Variants in SLC24A2 observed in about 807,000 individuals in gnomAD.
SLC24A2 encodes the protein solute carrier family 24 member 2, also known as sodium/potassium/calcium exchanger 2.
Under a neutral mutation model 62.0 loss-of-function variants are expected in SLC24A2, and 36 were observed. The observed-to-expected ratio is 0.58, with a 90% CI of 0.44 to 0.77. The LOEUF (loss-of-function observed/expected upper bound fraction) is 0.77, where lower values mean the gene tolerates loss of function less well. SLC24A2 is among the 30% of genes least tolerant of loss of function. SLC24A2 has a pLI of 0.00. For synonymous variants in SLC24A2, 358 were observed against 294.0 expected (o/e 1.22, Z -2.23); for missense variants, 846 against 817.9 (o/e 1.03, Z -0.42).
At chr9:20,019,167 CAG>C in the SLC24A2 span, among the ~76,000 whole-genome samples, 1 of 79,120 alleles carries the variant, frequency 1.3e-5, no homozygotes. Flanking sequence ...GAGAGAGAGA[CAG>C]AAAGAAAGAA....
At chr9:19,779,689 A>G (rs1435703328) in intron 2 of SLC24A2, among the ~76,000 whole-genome samples, 1 of 152,254 alleles carries the variant, frequency 6.6e-6, no homozygotes, top group African/African-American at 2.4e-5. Context: ...AAATCTAAAA[A>G]TATTGATGGT....
At chr9:19,844,118 C>T in the SLC24A2 span, among the ~76,000 whole-genome samples, 1 of 152,144 alleles carries the variant, frequency 6.6e-6, no homozygotes, top group East Asian at 1.9e-4. Context: ...TCCACAGGGG[C>T]TTAATTAATT....
chr9:19,933,534 G>T, the SLC24A2 span, among the ~76,000 whole-genome samples: 1 of 152,052 alleles, frequency 6.6e-6, no homozygotes, highest in Non-Finnish European at 1.5e-5. Context: ...AACGCGCCGG[G>T]GGTGGGCTAT....
At chr9:20,263,869 C>CCT in the SLC24A2 span, among the ~76,000 whole-genome samples, 1 of 116,968 alleles carries the variant, frequency 8.5e-6, no homozygotes, top group South Asian at 4.4e-4. Flanking sequence ...CCGCCCCCCC[C>CCT]CCCCCATTAA....
chr9:20,140,635 C>T, the SLC24A2 span, among the ~76,000 whole-genome samples: 9 of 152,154 alleles, frequency 5.9e-5, no homozygotes, highest in Non-Finnish European at 1.2e-4. Context: ...TCCTGTTCTG[C>T]ACCCCCTGAA....
chr9:20,021,043 A>G, the SLC24A2 span, among the ~76,000 whole-genome samples: 2 of 152,220 alleles, frequency 1.3e-5, no homozygotes, highest in African/African-American at 4.8e-5. Context: ...ATACATAGAC[A>G]TAATATATAA....
intron 2 of SLC24A2, among the ~76,000 whole-genome samples, chr9:19,710,506 C>T (rs1181071391): frequency 6.6e-6 from 1 of 152,018 alleles, no homozygotes; most frequent in African/African-American, 2.4e-5. Context: ...CTGAGAAGTT[C>T]CAGACAGTGG....
chr9:20,227,759 C>A, the SLC24A2 span, among the ~76,000 whole-genome samples: 1 of 152,028 alleles, frequency 6.6e-6, no homozygotes, highest in Non-Finnish European at 1.5e-5. Context: ...AATGTTATTG[C>A]CTAAAGTTTT....
At chr9:20,250,078 C>T in the SLC24A2 span, among the ~76,000 whole-genome samples, 1 of 152,128 alleles carries the variant, frequency 6.6e-6, no homozygotes, top group Non-Finnish European at 1.5e-5. Context: ...TACATGAGAA[C>T]AACAATAGCA....
At chr9:19,909,973 C>T in the SLC24A2 span, among the ~76,000 whole-genome samples, 1 of 152,076 alleles carries the variant, frequency 6.6e-6, no homozygotes, top group Non-Finnish European at 1.5e-5. Context: ...TCCACTGGCC[C>T]TTCCATATTC....
the SLC24A2 span, among the ~76,000 whole-genome samples, chr9:19,813,592 T>C: frequency 2.0e-5 from 3 of 152,068 alleles, no homozygotes; most frequent in Non-Finnish European, 4.4e-5. Context: ...GTGCTGGGAT[T>C]ACAGGTATGA....
the SLC24A2 span, among the ~76,000 whole-genome samples, chr9:20,124,899 A>T: frequency 6.6e-6 from 1 of 152,224 alleles, no homozygotes; most frequent in Non-Finnish European, 1.5e-5. Context: ...TAAGACCATC[A>T]AATGCATAAA....
chr9:19,916,828 C>T, the SLC24A2 span, among the ~76,000 whole-genome samples: 142,933 of 151,898 alleles, frequency 0.94, 67,867 homozygotes, highest in East Asian at 1. Flanking sequence ...GCATGTTTAA[C>T]ATCCTTCTTA....
chr9:19,727,522 G>A (rs1587228011), intron 2 of SLC24A2, among the ~76,000 whole-genome samples: 2 of 152,144 alleles, frequency 1.3e-5, no homozygotes, highest in East Asian at 3.9e-4. Context: ...CAAGCAGGCA[G>A]GGATTTTGGC....
chr9:20,029,024 C>A, the SLC24A2 span, among the ~76,000 whole-genome samples: 1 of 152,220 alleles, frequency 6.6e-6, no homozygotes, highest in East Asian at 1.9e-4. Flanking sequence ...TTTGGGTGAA[C>A]CTCTCAAGCC....
chr9:19,617,554 G>A (rs558382457), intron 4 of SLC24A2, among the ~76,000 whole-genome samples: 7 of 152,188 alleles, frequency 4.6e-5, no homozygotes, highest in Non-Finnish European at 1.0e-4. Flanking sequence ...CAACGTAAAT[G>A]ATGAAGGTGC....
chr9:20,020,048 A>G, the SLC24A2 span, among the ~76,000 whole-genome samples: 5 of 152,142 alleles, frequency 3.3e-5, no homozygotes, highest in African/African-American at 4.8e-5. Context: ...TTAGAATGGC[A>G]ATCATTAAAA....
the SLC24A2 span, among the ~76,000 whole-genome samples, chr9:20,017,264 C>T: frequency 1.5e-3 from 223 of 152,262 alleles, 1 homozygote; most frequent in Middle Eastern, 0.014. Context: ...CTCAAGTGAT[C>T]CACCTGCCTC....
chr9:20,068,044 T>G, the SLC24A2 span, among the ~76,000 whole-genome samples: 1 of 151,450 alleles, frequency 6.6e-6, no homozygotes, highest in African/African-American at 2.4e-5. Context: ...CCAACATCTG[T>G]TATTTTTTGA....
Sources: allele counts gnomAD v4.1 joint callset (sites outside exome capture counted in the v4.1 genomes callset), GRCh38; gene constraint gnomAD v4.1.1; transcripts MANE v1.5; gene names NCBI Gene and HGNC (gene_info 2026-07-23, HGNC 2026-07-21).